Variants in MALRD1 observed in about 807,000 individuals in gnomAD.
MALRD1 encodes the protein MAM and LDL-receptor class A domain-containing protein 1.
MALRD1 carries 247 observed loss-of-function variants against 242.1 expected under a neutral mutation model. The ratio of observed to expected loss-of-function variants is 1.02; its 90% CI spans 0.92 to 1.13. The LOEUF (loss-of-function observed/expected upper bound fraction) is 1.13, where lower values mean the gene tolerates loss of function less well. Among genes scored for constraint, MALRD1 ranks in the 50% most tolerant of loss-of-function variants. The pLI, the probability that MALRD1 is intolerant of heterozygous loss-of-function variation, is 0.00. For synonymous variants in MALRD1, 995 were observed against 866.6 expected, an observed-to-expected ratio of 1.15 and a Z score of -2.60; for missense variants, 2,989 against 2,533.1, an observed-to-expected ratio of 1.18 and a Z score of -3.86.
At chr10:19,583,462 T>A (rs1303641452) in intron 33 of MALRD1, among the ~76,000 whole-genome samples, 1 of 150,696 alleles carries the variant, frequency 6.6e-6, no homozygotes, top group East Asian at 2.0e-4. Context: ...AAAGGCCTTT[T>A]CTGCATCTAT....
intron 5 of MALRD1, among the ~76,000 whole-genome samples, chr10:19,117,113 A>T (rs1836897733): frequency 6.6e-6 from 1 of 151,560 alleles, no homozygotes; most frequent in African/African-American, 2.4e-5. Flanking sequence ...AAAAAAAAGA[A>T]GAAAGAAAGA....
chr10:19,161,246 C>T (rs201705544), intron 12 of MALRD1, among the ~76,000 whole-genome samples: 10 of 118,756 alleles, frequency 8.4e-5, no homozygotes, highest in South Asian at 2.6e-4. Context: ...AGTAAACTAT[C>T]GCAAGAACAA....
intron 18 of MALRD1, among the ~76,000 whole-genome samples, chr10:19,219,054 A>G (rs1341266663): frequency 1.3e-5 from 2 of 152,160 alleles, no homozygotes; most frequent in Non-Finnish European, 2.9e-5. Context: ...AGAATAATTT[A>G]TTCCAAAAAG....
intron 32 of MALRD1, 108 bp from the exon 33 acceptor site, chr10:19,567,394 T>A: frequency 1.1e-6 from 1 of 901,098 alleles, no homozygotes; most frequent in Admixed American, 2.5e-5. Context: ...ATAGTCAATG[T>A]ATTGAGCTGT....
intron 32 of MALRD1, among the ~76,000 whole-genome samples, chr10:19,564,315 A>T (rs184435040): frequency 1.6e-3 from 250 of 152,306 alleles, no homozygotes; most frequent in Non-Finnish European, 2.6e-3. Flanking sequence ...ATATTATAAT[A>T]GTTATATTTA....
intron 4 of MALRD1, among the ~76,000 whole-genome samples, chr10:19,101,476 C>A (rs1252458835): frequency 7.4e-6 from 1 of 134,652 alleles, no homozygotes; most frequent in African/African-American, 2.7e-5. Flanking sequence ...ATAATTAATA[C>A]TTGTATATTA....
chr10:19,268,816 C>G (rs947595996), intron 19 of MALRD1, among the ~76,000 whole-genome samples: 20 of 152,048 alleles, frequency 1.3e-4, no homozygotes, highest in African/African-American at 4.3e-4. Context: ...ATTAATGTAG[C>G]CTGAAGTTTG....
chr10:19,052,500 A>G (rs1834538956), intron 1 of MALRD1, among the ~76,000 whole-genome samples: 1 of 152,154 alleles, frequency 6.6e-6, no homozygotes, highest in South Asian at 2.1e-4. Flanking sequence ...GGCACATCTA[A>G]CTCAACTGTG....
chr10:19,512,384 A>C (rs914059298), intron 31 of MALRD1, among the ~76,000 whole-genome samples: 2 of 152,222 alleles, frequency 1.3e-5, no homozygotes, highest in African/African-American at 4.8e-5. Flanking sequence ...TATTATTGCC[A>C]TCAAGGACAG....
chr10:19,143,038 T>A (rs1283129640), intron 10 of MALRD1, among the ~76,000 whole-genome samples: 1 of 152,276 alleles, frequency 6.6e-6, no homozygotes, highest in African/African-American at 2.4e-5. Context: ...TTGCACCATG[T>A]CACCATGTTG....
At position 19,323,930 on chromosome 10, in the gene MALRD1, T is replaced by C. The variant is rs898529994; in HGVS notation, c.3420-19T>C. ...CCGGCCTCTTATTCCTTTTATAATA[T>C]GATAAATTCCTTTTCCAGAAATACC... On this transcript the variant is annotated intron_variant, in intron 21 of 39. Transcript: ENST00000454679. 3 of 1,549,704 alleles carry C rather than the reference T, an allele frequency of 1.9e-6. No homozygotes were observed. Among genetic ancestry groups the C allele is most frequent in the African/African-American group, 1.4e-5 (1 of 73,018 alleles).
chr10:19,163,137 TAA>T (rs58034381), intron 12 of MALRD1, among the ~76,000 whole-genome samples: 62 of 43,854 alleles, frequency 1.4e-3, no homozygotes, highest in African/African-American at 4.0e-3. Context: ...AAACCCTGTC[TAA>T]AAAAAAAAAA....
At chr10:19,643,480 T>C (rs1472974982) in intron 36 of MALRD1, among the ~76,000 whole-genome samples, 1 of 151,978 alleles carries the variant, frequency 6.6e-6, no homozygotes, top group Non-Finnish European at 1.5e-5. Context: ...TGAATAAGAC[T>C]GTGTTTATTA....
At chr10:19,523,554 T>G (rs186561346) in intron 31 of MALRD1, among the ~76,000 whole-genome samples, 2 of 152,356 alleles carry the variant, frequency 1.3e-5, no homozygotes, top group East Asian at 3.9e-4. Context: ...ATTAAGTTAA[T>G]TCATGTTTCC....
intron 32 of MALRD1, among the ~76,000 whole-genome samples, chr10:19,562,925 C>A (rs1024756595): frequency 6.6e-6 from 1 of 152,094 alleles, no homozygotes; most frequent in Admixed American, 6.5e-5. Context: ...GCACCCCATC[C>A]GTGGAAAAAA....
At chr10:19,698,389 C>T (rs529457647) in intron 38 of MALRD1, among the ~76,000 whole-genome samples, 29 of 152,254 alleles carry the variant, frequency 1.9e-4, no homozygotes, top group Admixed American at 3.9e-4. Flanking sequence ...CCAAAGACTA[C>T]TAATAATTGG....
rs1837283983 is a variant in MALRD1, at chr10:19,215,732, T to G, written c.2991+6052T>G. Reference sequence around the variant, plus strand: ...ACGTGCTATAATAAATTAGTATAAATAATTTAGTATAAATAATAATTAGTA... The same window carrying G: ...ACGTGCTATAATAAATTAGTATAAAGAATTTAGTATAAATAATAATTAGTA... On this transcript the variant is annotated intron_variant, in intron 18 of 39. Coordinates refer to ENST00000454679, the MANE Select transcript of MALRD1 (RefSeq NM_001142308.3). 1.7e-5 allele frequency among the ~76,000 whole-genome samples: 2 copies of G among 115,278 alleles called. 1 individual carries two copies. Among genetic ancestry groups the G allele is most frequent in the Non-Finnish European group, 3.9e-5 (2 of 51,552 alleles). 75.6% of individuals were successfully genotyped at this position (115,278 alleles called of 152,430 possible). A position where few individuals can be genotyped will look rare whatever the true frequency, so the allele number is the denominator to read the frequency against.
chr10:19,047,172 CA>C (rs1834357704), upstream of MALRD1, among the ~76,000 whole-genome samples: 2 of 152,056 alleles, frequency 1.3e-5, no homozygotes, highest in Non-Finnish European at 2.9e-5. Context: ...AAATACCAGA[CA>C]GGGTGATTAA....
chr10:19,345,442 G>A (rs566679971), intron 24 of MALRD1, among the ~76,000 whole-genome samples: 1 of 152,148 alleles, frequency 6.6e-6, no homozygotes, highest in East Asian at 1.9e-4. Context: ...TAAACTAGAT[G>A]CTGAGTTGGG....
Sources: gnomAD v4.1 joint callset for allele counts (sites outside exome capture counted in the v4.1 genomes callset) on GRCh38, gnomAD v4.1.1 for gene constraint, MANE v1.5 for transcripts, NCBI Gene and HGNC (gene_info 2026-07-23, HGNC 2026-07-21) for gene names.